ATAD2: variants seen among roughly 807,000 people sequenced by gnomAD.
ATAD2 encodes the protein ATPase family AAA domain-containing protein 2.
Under a neutral mutation model 168.9 loss-of-function variants are expected in ATAD2, and 62 were observed. The ratio of observed to expected loss-of-function variants is 0.37; its 90% CI spans 0.30 to 0.45. The LOEUF is 0.45. Among genes scored for constraint, ATAD2 ranks in the 20% least tolerant of loss-of-function variants. The probability of loss-of-function intolerance (pLI) is 1.00; values close to 1 mark genes in which losing one functional copy is unlikely to be tolerated. For missense variants in ATAD2, 1,419 were observed against 1,667.8 expected, an observed-to-expected ratio of 0.85 and a Z score of 2.60; for synonymous variants, 613 against 571.6, an observed-to-expected ratio of 1.07 and a Z score of -1.03.
intron 1 of ATAD2, among the ~76,000 whole-genome samples, chr8:123,394,583 C>T (rs540790561): frequency 4.0e-5 from 6 of 151,176 alleles, no homozygotes; most frequent in African/African-American, 1.5e-4. Context: ...TGCGGTGAGC[C>T]GAGATCACAC....
chr8:123,400,894 G>GT (rs1454959171), upstream of ATAD2: 1 of 1,431,676 alleles, frequency 7.0e-7, no homozygotes, highest in African/African-American at 1.4e-5. This position sits in a 1 kb window ranked among gnomAD's most constrained non-coding sequence, Gnocchi z 4.5. Context: ...GGTGCGGAAG[G>GT]TCAAGAAGTT....
chr8:123,353,731 T>A (rs1176841756), intron 13 of ATAD2, among the ~76,000 whole-genome samples: 1 of 152,202 alleles, frequency 6.6e-6, no homozygotes, highest in Non-Finnish European at 1.5e-5. Flanking sequence ...CTTCTAGGCC[T>A]GTTTAAAGTG....
chr8:123,403,936 A>C (rs1171450120), intron 1 of ATAD2, among the ~76,000 whole-genome samples: 1 of 152,094 alleles, frequency 6.6e-6, no homozygotes, highest in Non-Finnish European at 1.5e-5. Flanking sequence ...CACCAGCAGG[A>C]GGGGAGGCTA....
intron 24 of ATAD2, among the ~76,000 whole-genome samples, chr8:123,328,798 A>AATT (rs1554641494): frequency 3.2e-4 from 40 of 126,916 alleles, no homozygotes; most frequent in African/African-American, 1.2e-3. Flanking sequence ...TTATCTTGAA[A>AATT]TTTTTTTTTT....
intron 17 of ATAD2, 110 bp from the exon 18 acceptor site, chr8:123,346,382 A>T: frequency 9.2e-7 from 1 of 1,090,838 alleles, no homozygotes; most frequent in Non-Finnish European, 1.3e-6. Flanking sequence ...CAATAAGGCC[A>T]ACCAATCATA....
intron 8 of ATAD2, among the ~76,000 whole-genome samples, chr8:123,363,996 AG>A (rs1791136013): frequency 6.6e-6 from 1 of 152,210 alleles, no homozygotes; most frequent in Non-Finnish European, 1.5e-5. Context: ...AAACCAATAA[AG>A]TTAAAAGCAA....
chr8:123,391,572 C>A (rs1360854886), intron 1 of ATAD2, among the ~76,000 whole-genome samples: 1 of 144,776 alleles, frequency 6.9e-6, no homozygotes, highest in Non-Finnish European at 1.5e-5. Flanking sequence ...ATAAATGTAA[C>A]CACCCATAAA....
At chr8:123,375,898 G>A (rs1412767368) in intron 2 of ATAD2, among the ~76,000 whole-genome samples, 1 of 151,878 alleles carries the variant, frequency 6.6e-6, no homozygotes, top group East Asian at 1.9e-4. Context: ...ACAAGGTCAA[G>A]AGTTCAAGAC....
At position 123,396,431 on chromosome 8, in the gene ATAD2, T is replaced by C. The variant is rs1432483722; in HGVS notation, c.-74A>G. Reference sequence around the variant, plus strand: ...TCCAGGCGCTCGCAGCTCTGGCTCTTCCGCGCTCCGAATTCTGGCGCCACA... The same window carrying C: ...TCCAGGCGCTCGCAGCTCTGGCTCTCCCGCGCTCCGAATTCTGGCGCCACA... On this transcript the variant is annotated 5_prime_UTR_variant, in exon 1 of 28. Transcript: ENST00000287394. 2.2e-6 allele frequency: 3 copies of C among 1,394,130 alleles called. No homozygotes were observed. The highest frequency in any genetic ancestry group is 2.7e-5 in the East Asian group (1 of 36,848). The allele number at this position is 1,394,130 out of a possible 1,614,324, so 86.4% of individuals were successfully genotyped here. A position where few individuals can be genotyped will look rare whatever the true frequency, so the allele number is the denominator to read the frequency against.
At chr8:123,391,528 G>C (rs1353097619) in intron 1 of ATAD2, among the ~76,000 whole-genome samples, 1 of 103,130 alleles carries the variant, frequency 9.7e-6, no homozygotes. Context: ...CCTGAGATTA[G>C]ACTAGGAAAA....
chr8:123,339,694 T>G (rs2131306593), intron 19 of ATAD2, among the ~76,000 whole-genome samples: 1 of 152,282 alleles, frequency 6.6e-6, no homozygotes, highest in East Asian at 1.9e-4. Flanking sequence ...TGTCAGTCAT[T>G]CAAGACAATA....
chr8:123,403,900 C>G (rs1813037973), intron 1 of ATAD2, among the ~76,000 whole-genome samples: 1 of 152,040 alleles, frequency 6.6e-6, no homozygotes, highest in African/African-American at 2.4e-5. Flanking sequence ...ATAAAGTGAC[C>G]TTGTGAGGCC....
chr8:123,383,213 G>A (rs1037991704), intron 1 of ATAD2, among the ~76,000 whole-genome samples: 6 of 152,114 alleles, frequency 3.9e-5, no homozygotes, highest in African/African-American at 1.4e-4. Flanking sequence ...GGGGCATGAG[G>A]AGGGATAGCA....
intron 19 of ATAD2, among the ~76,000 whole-genome samples, chr8:123,343,327 T>C (rs1828122489): frequency 6.6e-6 from 1 of 152,102 alleles, no homozygotes; most frequent in Non-Finnish European, 1.5e-5. Context: ...CACTGTAACC[T>C]ACCCATACTC....
At chr8:123,349,223 A>G in intron 14 of ATAD2, 62 bp downstream of exon 14, 1 of 1,530,282 alleles carries the variant, frequency 6.5e-7, no homozygotes, top group Non-Finnish European at 8.9e-7. Flanking sequence ...TACTATACCA[A>G]GACTTATTAT....
In ATAD2 at chr8:123,325,879, T is replaced by A. The variant is rs773896419; in HGVS notation, c.4002+14A>T. 3.0e-5 allele frequency: 49 copies of A among 1,613,320 alleles called. No individual in the cohort carries two copies. In the East Asian group the frequency reaches 1.1e-3, roughly 35 times the overall value. On this transcript the variant is annotated intron_variant, in intron 26 of 27. Transcript: ENST00000287394. ...ATCTGCAGAGTAAAAGCATTATGAT[T>A]TCAATTTACATACTTTTAATCGCTC...
intron 2 of ATAD2, among the ~76,000 whole-genome samples, chr8:123,378,878 A>G (rs527793737): frequency 6.6e-6 from 1 of 151,008 alleles, no homozygotes; most frequent in Non-Finnish European, 1.5e-5. Context: ...TGCAGCCTTG[A>G]CCTCCCCAGC....
At chr8:123,415,579 C>T (rs1251864428) in intron 1 of ATAD2, among the ~76,000 whole-genome samples, 1 of 149,260 alleles carries the variant, frequency 6.7e-6, no homozygotes, top group Non-Finnish European at 1.5e-5. Context: ...TAATATCATT[C>T]ATTCACCAGA....
At position 123,326,044 on chromosome 8, in the gene ATAD2, A is replaced by G; in HGVS notation, c.3869-18T>C. On this transcript the variant is annotated intron_variant, in intron 25 of 27. Transcript: ENST00000287394. ...ACACATTTCTAGAATGAAAAATCAA[A>G]TGATTATTATTTGGTCCATAGATAT... The G allele has an allele frequency of 6.2e-7, 1 of 1,611,936 alleles. No individual in the cohort carries two copies. Among genetic ancestry groups the G allele is most frequent in the Non-Finnish European group, 8.5e-7 (1 of 1,178,660 alleles).
Sources: gnomAD v4.1 joint callset for allele counts (sites outside exome capture counted in the v4.1 genomes callset) on GRCh38, gnomAD v4.1.1 for gene constraint, Gnocchi (gnomAD v3.1) non-coding constraint, MANE v1.5 for transcripts, NCBI Gene and HGNC (gene_info 2026-07-23, HGNC 2026-07-21) for gene names.